The following LYPLAL1 variants were observed in gnomAD, a reference collection of about 807,000 sequenced individuals.
LYPLAL1 encodes the protein lysophospholipase like 1.
In LYPLAL1, 23 loss-of-function variants were observed where a neutral mutation model predicts 19.7. The ratio of observed to expected loss-of-function variants is 1.17; its 90% CI spans 0.84 to 1.65. The LOEUF is 1.65. LYPLAL1 is among the 40% of genes most tolerant of loss of function. The probability of loss-of-function intolerance (pLI) is 0.00; values close to 1 mark genes in which losing one functional copy is unlikely to be tolerated. For synonymous variants in LYPLAL1, 119 were observed against 96.3 expected, an observed-to-expected ratio of 1.24 and a Z score of -1.38; for missense variants, 355 against 279.4, an observed-to-expected ratio of 1.27 and a Z score of -1.93.
intron 3 of LYPLAL1, among the ~76,000 whole-genome samples, chr1:219,199,119 G>A (rs993739454): frequency 3.9e-5 from 6 of 152,128 alleles, no homozygotes; most frequent in Non-Finnish European, 8.8e-5. Context: ...AAAGCATTTA[G>A]TATTTCTTTC....
the LYPLAL1 span, among the ~76,000 whole-genome samples, chr1:219,227,141 T>C: frequency 6.6e-6 from 1 of 152,264 alleles, no homozygotes; most frequent in Non-Finnish European, 1.5e-5. Context: ...AATGAACATT[T>C]ATTGAACATT....
At chr1:219,417,025 T>C in the LYPLAL1 span, among the ~76,000 whole-genome samples, 1 of 152,248 alleles carries the variant, frequency 6.6e-6, no homozygotes, top group Admixed American at 6.5e-5. Context: ...CACTTATTAC[T>C]ATTAACCTGC....
At chr1:219,326,846 G>C in the LYPLAL1 span, among the ~76,000 whole-genome samples, 2 of 152,098 alleles carry the variant, frequency 1.3e-5, no homozygotes, top group Non-Finnish European at 2.9e-5. Flanking sequence ...GGAAGAAAAA[G>C]AAGAAAATAG....
the LYPLAL1 span, among the ~76,000 whole-genome samples, chr1:219,276,449 G>A: frequency 3.3e-5 from 5 of 152,230 alleles, no homozygotes; most frequent in South Asian, 4.1e-4. Context: ...AGCCAAGAAC[G>A]TTTCTTTATA....
chr1:219,236,979 AGTT>A, the LYPLAL1 span, among the ~76,000 whole-genome samples: 6 of 142,642 alleles, frequency 4.2e-5, no homozygotes, highest in Admixed American at 2.0e-4. Flanking sequence ...AAAGCACTTC[AGTT>A]GTTGTTTTTT....
chr1:219,418,691 T>G, the LYPLAL1 span, among the ~76,000 whole-genome samples: 1 of 152,214 alleles, frequency 6.6e-6, no homozygotes, highest in African/African-American at 2.4e-5. Context: ...ACTCTTGGTG[T>G]TGTACTTCCT....
downstream of LYPLAL1, among the ~76,000 whole-genome samples, chr1:219,213,894 T>A (rs1659192322): frequency 6.6e-6 from 1 of 152,116 alleles, no homozygotes; most frequent in African/African-American, 2.4e-5. Flanking sequence ...TTCTTTTGTT[T>A]GCATATTACA....
chr1:219,314,723 C>T, the LYPLAL1 span, among the ~76,000 whole-genome samples: 3 of 152,206 alleles, frequency 2.0e-5, no homozygotes, highest in African/African-American at 4.8e-5. Context: ...TGAGCCACTG[C>T]GCCTGGCTGA....
chr1:219,210,447 T>C, intron 3 of LYPLAL1, 85 bp from the exon 4 acceptor site: 1 of 971,296 alleles, frequency 1.0e-6, no homozygotes, highest in Middle Eastern at 3.5e-4. Flanking sequence ...TCTCCAGATA[T>C]TTTAAAAATA....
At chr1:219,263,127 G>T in the LYPLAL1 span, among the ~76,000 whole-genome samples, 4 of 152,154 alleles carry the variant, frequency 2.6e-5, no homozygotes, top group African/African-American at 4.8e-5. Context: ...GCAGGTAGAG[G>T]AAAACCATGC....
At chr1:219,361,038 A>T in the LYPLAL1 span, among the ~76,000 whole-genome samples, 2 of 152,154 alleles carry the variant, frequency 1.3e-5, no homozygotes, top group African/African-American at 2.4e-5. Context: ...ACAACAAAAT[A>T]CTCAAAAAAG....
chr1:219,382,866 GT>G, the LYPLAL1 span, among the ~76,000 whole-genome samples: 16 of 144,754 alleles, frequency 1.1e-4, no homozygotes, highest in Admixed American at 8.3e-4. Flanking sequence ...GTTTTGTTTT[GT>G]TTTTTTTTTC....
At chr1:219,238,146 CAG>C in the LYPLAL1 span, among the ~76,000 whole-genome samples, 1 of 68,508 alleles carries the variant, frequency 1.5e-5, no homozygotes, top group Non-Finnish European at 2.9e-5. Flanking sequence ...TTTTTTTTGA[CAG>C]AGTCTCGCTC....
At chr1:219,209,645 T>C (rs1658839802) in intron 3 of LYPLAL1, among the ~76,000 whole-genome samples, 1 of 152,142 alleles carries the variant, frequency 6.6e-6, no homozygotes, top group Non-Finnish European at 1.5e-5. Context: ...CTACATGATT[T>C]ACATTCTGTA....
chr1:219,370,679 C>G, the LYPLAL1 span, among the ~76,000 whole-genome samples: 1 of 152,184 alleles, frequency 6.6e-6, no homozygotes, highest in Non-Finnish European at 1.5e-5. Context: ...TGGTATCACA[C>G]TTTTGAGAAC....
the LYPLAL1 span, among the ~76,000 whole-genome samples, chr1:219,378,332 A>G: frequency 6.6e-6 from 1 of 152,124 alleles, no homozygotes; most frequent in Non-Finnish European, 1.5e-5. Flanking sequence ...TGGTGGCATC[A>G]AGGAGAAGAG....
chr1:219,215,947 TA>T (rs1300005852), downstream of LYPLAL1, among the ~76,000 whole-genome samples: 1 of 152,148 alleles, frequency 6.6e-6, no homozygotes, highest in Non-Finnish European at 1.5e-5. Flanking sequence ...AAAAAGATTT[TA>T]AAATTTTTTA....
chr1:219,201,096 A>G (rs907031628), intron 3 of LYPLAL1, among the ~76,000 whole-genome samples: 2 of 152,354 alleles, frequency 1.3e-5, no homozygotes, highest in Middle Eastern at 3.4e-3. Context: ...ACCTTATTAC[A>G]TTGATTAATA....
the LYPLAL1 span, among the ~76,000 whole-genome samples, chr1:219,415,084 C>T: frequency 6.6e-6 from 1 of 152,146 alleles, no homozygotes; most frequent in Non-Finnish European, 1.5e-5. Flanking sequence ...TAGAAGAATG[C>T]CAACAGCCTT....
Sources: allele counts gnomAD v4.1 joint callset (sites outside exome capture counted in the v4.1 genomes callset), GRCh38; gene constraint gnomAD v4.1.1; transcripts MANE v1.5; gene names NCBI Gene and HGNC (gene_info 2026-07-23, HGNC 2026-07-21).